Variants in SIPA1L2 observed in about 807,000 individuals in gnomAD.
SIPA1L2 encodes signal-induced proliferation-associated 1-like protein 2.
SIPA1L2 carries 56 observed loss-of-function variants against 163.9 expected under a neutral mutation model. That is an observed-to-expected ratio of 0.34 (90% confidence interval 0.28 to 0.43). SIPA1L2 has a LOEUF of 0.43. Ranked by LOEUF, SIPA1L2 falls within the 20% of genes least tolerant of loss-of-function variation. The pLI is 1.00. For synonymous variants in SIPA1L2, 877 were observed against 865.7 expected, an observed-to-expected ratio of 1.01 and a Z score of -0.23; for missense variants, 1,974 against 2,193.5, an observed-to-expected ratio of 0.90 and a Z score of 2.00.
Position 232,428,517 on chromosome 1 carries a change from G to C in SIPA1L2, c.4304C>G (p.Thr1435Arg). Residue 1435 changes from threonine to arginine, a missense_variant, in exon 17 of 23, where the codon ACA becomes AGA. By Grantham distance (71) the Thr-to-Arg change is moderately conservative. Coordinates refer to ENST00000674635, the MANE Select transcript of SIPA1L2 (RefSeq NM_020808.5). ...CTCTGCAACAGCATCTCCCACCACTGTCTGATGCTGAGTTGCTGTGGACAT... is the reference window on the plus strand; with the variant it reads ...CTCTGCAACAGCATCTCCCACCACTCTCTGATGCTGAGTTGCTGTGGACAT... ...DVMSTATQHQ[T>R]VVGDAVAETQ... The C allele has an allele frequency of 6.3e-7, 1 of 1,592,404 alleles. No homozygotes were observed. Among genetic ancestry groups the C allele is most frequent in the South Asian group, 1.2e-5 (1 of 86,736 alleles).
intron 10 of SIPA1L2, among the ~76,000 whole-genome samples, chr1:232,456,552 C>T (rs6695556): frequency 0.071 from 10,763 of 152,168 alleles, 658 homozygotes; most frequent in Admixed American, 0.19. Context: ...TTTTATTGGA[C>T]ATATTTACTA....
chr1:232,553,923 C>T (rs1399231662), intron 2 of SIPA1L2, among the ~76,000 whole-genome samples: 2 of 152,058 alleles, frequency 1.3e-5, no homozygotes, highest in Non-Finnish European at 2.9e-5. Context: ...TCTGATAACC[C>T]ATGTTCATTC....
intron 2 of SIPA1L2, among the ~76,000 whole-genome samples, chr1:232,538,940 C>G (rs1193075721): frequency 5.9e-5 from 9 of 152,334 alleles, no homozygotes; most frequent in Non-Finnish European, 1.3e-4. Context: ...CCTATTCAGA[C>G]AGCTGACGAA....
chr1:232,559,635 A>G (rs1297154208), intron 2 of SIPA1L2, among the ~76,000 whole-genome samples: 1 of 152,260 alleles, frequency 6.6e-6, no homozygotes, highest in African/African-American at 2.4e-5. Flanking sequence ...ATGTATTTAT[A>G]GAAAAAAGAT....
intron 7 of SIPA1L2, among the ~76,000 whole-genome samples, chr1:232,477,755 G>C (rs1665121954): frequency 1.3e-5 from 2 of 152,100 alleles, no homozygotes; most frequent in Admixed American, 6.5e-5. Context: ...TTTTGATTAC[G>C]CTTCAATGAA....
intron 3 of SIPA1L2, among the ~76,000 whole-genome samples, chr1:232,497,425 A>G (rs1164016529): frequency 6.6e-6 from 1 of 152,074 alleles, no homozygotes; most frequent in Non-Finnish European, 1.5e-5. Flanking sequence ...CGCCATGACC[A>G]TTTCACTCCC....
At chr1:232,409,309 G>A (rs990384933) in intron 19 of SIPA1L2, among the ~76,000 whole-genome samples, 15 of 152,098 alleles carry the variant, frequency 9.9e-5, no homozygotes, top group Non-Finnish European at 1.8e-4. Context: ...ATATTAAAGC[G>A]TTCCTTGGAA....
chr1:232,525,201 T>C (rs1209855922), intron 2 of SIPA1L2, among the ~76,000 whole-genome samples: 1 of 150,774 alleles, frequency 6.6e-6, no homozygotes, highest in East Asian at 1.9e-4. Context: ...TTTATTCCTA[T>C]GCAACAGAAA....
At chr1:232,484,346 A>C (rs1232544362) in intron 5 of SIPA1L2, among the ~76,000 whole-genome samples, 2 of 152,216 alleles carry the variant, frequency 1.3e-5, no homozygotes, top group African/African-American at 4.8e-5. Flanking sequence ...GTCGGAAAGA[A>C]AAAAAGGCTA....
chr1:232,529,395 C>T (rs905571738), intron 2 of SIPA1L2, among the ~76,000 whole-genome samples: 13 of 152,218 alleles, frequency 8.5e-5, no homozygotes, highest in Non-Finnish European at 1.6e-4. Context: ...TTATATTCAT[C>T]CATTGACAAT....
Position 232,570,325 on chromosome 1 carries a change from G to A in SIPA1L2, c.-270+3849C>T, listed in dbSNP as rs4649385. Among the ~76,000 whole-genome samples the A allele has an allele frequency of 0.047, 7,125 of 152,232 alleles. 834 individuals are homozygous for A. In the East Asian group the frequency reaches 0.49, roughly 11 times the overall value. On this transcript the variant is annotated intron_variant, in intron 2 of 22. Coordinates refer to ENST00000674635, the MANE Select transcript of SIPA1L2 (RefSeq NM_020808.5). ...CTAACTTCGCCAATGGGAAAATGAG[G>A]GCATCAAATGGTAAAATCATCTACA... is the stretch of plus-strand genomic sequence containing the variant.
chr1:232,579,458 A>G (rs1459090547), intron 1 of SIPA1L2, among the ~76,000 whole-genome samples: 1 of 152,210 alleles, frequency 6.6e-6, no homozygotes, highest in Non-Finnish European at 1.5e-5. Flanking sequence ...CTCTGTACTT[A>G]AAAAGCTCCC....
chr1:232,469,611 G>A (rs1407328385), intron 8 of SIPA1L2, among the ~76,000 whole-genome samples: 5 of 152,010 alleles, frequency 3.3e-5, no homozygotes, highest in Non-Finnish European at 7.4e-5. Flanking sequence ...ATTAGTAAAG[G>A]TTAATTTAGT....
chr1:232,550,176 T>A (rs979952871), intron 2 of SIPA1L2, among the ~76,000 whole-genome samples: 1 of 152,236 alleles, frequency 6.6e-6, no homozygotes, highest in Non-Finnish European at 1.5e-5. Flanking sequence ...GGCATCTTGC[T>A]ATATTCAAAG....
At chr1:232,504,199 C>G (rs1187596000) in intron 3 of SIPA1L2, among the ~76,000 whole-genome samples, 2 of 151,268 alleles carry the variant, frequency 1.3e-5, no homozygotes, top group East Asian at 3.9e-4. Flanking sequence ...GAGACTCCAT[C>G]TCAAAACAAA....
intron 1 of SIPA1L2, among the ~76,000 whole-genome samples, chr1:232,598,616 A>T (rs1052308702): frequency 1.3e-5 from 2 of 152,210 alleles, no homozygotes; most frequent in Non-Finnish European, 2.9e-5. Context: ...GTCCAAGATC[A>T]GGGCACTAGC....
rs368757910 is a variant in SIPA1L2, at chr1:232,580,366, C to T, written c.-318-6144G>A. 8.7e-4 allele frequency among the ~76,000 whole-genome samples: 132 copies of T among 152,266 alleles called. 3 individuals carry two copies. In the South Asian group the frequency reaches 0.026, roughly 30 times the overall value. On this transcript the variant is annotated intron_variant, in intron 1 of 22. Coordinates refer to ENST00000674635, the MANE Select transcript of SIPA1L2 (RefSeq NM_020808.5). ...TTTACCTCAACCTGTTTTATCAGCACGGTCTTTGTGACCTATATCTTGCGC... is the reference window on the plus strand; with the variant it reads ...TTTACCTCAACCTGTTTTATCAGCATGGTCTTTGTGACCTATATCTTGCGC...
upstream of SIPA1L2, among the ~76,000 whole-genome samples, chr1:232,630,184 C>T (rs1427695164): frequency 3.3e-5 from 5 of 151,638 alleles, no homozygotes; most frequent in Non-Finnish European, 5.9e-5. Flanking sequence ...GCACCGCCCC[C>T]CGCCCGCTCT....
intron 5 of SIPA1L2, among the ~76,000 whole-genome samples, chr1:232,487,409 T>G (rs1558215837): frequency 6.6e-6 from 1 of 152,282 alleles, no homozygotes; most frequent in East Asian, 1.9e-4. Context: ...TGACTTCGGT[T>G]GAAACAAATC....
Sources: allele counts gnomAD v4.1 joint callset (sites outside exome capture counted in the v4.1 genomes callset), GRCh38; gene constraint gnomAD v4.1.1; transcripts MANE v1.5; gene names NCBI Gene and HGNC (gene_info 2026-07-23, HGNC 2026-07-21).